Variants in PALM observed in about 807,000 individuals in gnomAD.
PALM encodes paralemmin.
Under a neutral mutation model 30.7 loss-of-function variants are expected in PALM, and 18 were observed. That is an observed-to-expected ratio of 0.59 (90% CI 0.41 to 0.87). The LOEUF is 0.87. PALM is among the 40% of genes least tolerant of loss of function. The probability of loss-of-function intolerance (pLI) is 0.00; values close to 1 mark genes in which losing one functional copy is unlikely to be tolerated. For missense variants in PALM, 529 were observed against 555.4 expected (o/e 0.95, Z 0.48); for synonymous variants, 286 against 242.8 (o/e 1.18, Z -1.66).
At chr19:736,343 G>A (rs560871982) in intron 7 of PALM, among the ~76,000 whole-genome samples, 10 of 152,262 alleles carry the variant, frequency 6.6e-5, no homozygotes, top group East Asian at 1.9e-4. Flanking sequence ...TAACCGACGC[G>A]ACCTCACGGC....
chr19:721,982 A>C (rs970448838), intron 1 of PALM, among the ~76,000 whole-genome samples: 4 of 150,624 alleles, frequency 2.7e-5, no homozygotes, highest in Admixed American at 6.6e-5. Context: ...GCAGTGGCGC[A>C]ATCTCGGCTC....
chr19:727,721 G>A (rs373135379), intron 4 of PALM, 27 bp downstream of exon 4: 233 of 1,519,700 alleles, frequency 1.5e-4, no homozygotes, highest in African/African-American at 3.6e-4. Flanking sequence ...GGGTGCCACC[G>A]GGCTGGGTGG....
chr19:719,584 C>T lies in PALM; in HGVS notation c.6-6554C>T. The T allele has an allele frequency of 3.0e-6, 3 of 986,712 alleles. No individual in the cohort carries two copies. In the South Asian group the frequency reaches 1.4e-4, roughly 46 times the overall value. The allele number at this position is 986,712 out of a possible 1,614,324, so 61.1% of individuals were successfully genotyped here. A position where few individuals can be genotyped will look rare whatever the true frequency, so the allele number is the denominator to read the frequency against. On this transcript the variant is annotated intron_variant, in intron 1 of 8. Coordinates refer to ENST00000338448, the MANE Select transcript of PALM (RefSeq NM_002579.3). ...CCCCCAGCACCTGCCCTGGGACCCC[C>T]AGCAGCACCAGGACCGCCGCCGCCC...
chr19:734,415 A>G (rs770556247), intron 6 of PALM: 4 of 562,304 alleles, frequency 7.1e-6, no homozygotes, highest in Non-Finnish European at 9.5e-6. Context: ...TGCAAAGACA[A>G]TTAGCCGGGT....
rs928075809 is a variant in PALM at position 709,274 on chromosome 19, G to A, written c.5+123G>A. ...CTGCCCCCGCGAGGAGCAGGAGGCG[G>A]CGCGGGGCTGCTGGGGCCGCAGCGC... On this transcript the variant is annotated intron_variant, in intron 1 of 8. Coordinates refer to ENST00000338448, the MANE Select transcript of PALM (RefSeq NM_002579.3). The surrounding 1 kb of genome is among the most constrained non-coding windows in gnomAD (Gnocchi z 4.3). 1.9e-5 allele frequency: 5 copies of A among 258,636 alleles called. No homozygotes were observed. The highest frequency in any genetic ancestry group is 2.2e-5 in the Non-Finnish European group (3 of 135,960). 16.0% of individuals were successfully genotyped at this position (258,636 alleles called of 1,614,324 possible). A position where few individuals can be genotyped will look rare whatever the true frequency, so the allele number is the denominator to read the frequency against.
intron 1 of PALM, among the ~76,000 whole-genome samples, chr19:722,267 G>A (rs1303572760): frequency 6.6e-6 from 1 of 152,052 alleles, no homozygotes; most frequent in African/African-American, 2.4e-5. Context: ...CTAGGCTGGA[G>A]ACAGTGGCAC....
intron 8 of PALM, among the ~76,000 whole-genome samples, chr19:745,208 C>A (rs2033304224): frequency 6.6e-6 from 1 of 152,112 alleles, no homozygotes; most frequent in African/African-American, 2.4e-5. Context: ...CTGTAACCTC[C>A]AGTTCCCCAG....
Position 746,589 on chromosome 19 carries a change from G to A in PALM, c.939G>A (p.Glu313=), listed in dbSNP as rs749278352. 1 of 1,613,430 alleles carries A rather than the reference G, an allele frequency of 6.2e-7. No homozygotes were observed. The highest frequency in any genetic ancestry group is 1.1e-5 in the South Asian group (1 of 91,072). The change falls in exon 9 of 9, where the codon GAG becomes GAA. Residue 313 remains glutamate, a synonymous_variant. Transcript: ENST00000338448. The surrounding 1 kb of genome is among the most constrained non-coding windows in gnomAD (Gnocchi z 7.1). ...ACCAGAACGTGGAGGATGAGGCCGAGACCAAGAAGGTGCTGGGCCTTCAAG... is the reference window on the plus strand; with the variant it reads ...ACCAGAACGTGGAGGATGAGGCCGAAACCAAGAAGGTGCTGGGCCTTCAAG... ...MGYQNVEDEA[E]TKKVLGLQDT...
In PALM at chr19:746,013, A is replaced by C. The variant is rs973040926; in HGVS notation, c.635-272A>C. Reference sequence around the variant, plus strand: ...GTGGAGCTTGCAGTGAGCTGAGATCACGCCATTGCACTCCAGCCTGGGCGA... The same window carrying C: ...GTGGAGCTTGCAGTGAGCTGAGATCCCGCCATTGCACTCCAGCCTGGGCGA... On this transcript the variant is annotated intron_variant, in intron 8 of 8. Coordinates refer to ENST00000338448, the MANE Select transcript of PALM (RefSeq NM_002579.3). The surrounding 1 kb of genome is among the most constrained non-coding windows in gnomAD (Gnocchi z 7.1). Among the ~76,000 whole-genome samples, 1 of 151,948 alleles carries C rather than the reference A, an allele frequency of 6.6e-6. No individual in the cohort carries two copies. The highest frequency in any genetic ancestry group is 2.1e-4 in the South Asian group (1 of 4,800).
intron 1 of PALM, among the ~76,000 whole-genome samples, chr19:721,317 G>A (rs924592931): frequency 2.6e-5 from 4 of 152,164 alleles, no homozygotes; most frequent in African/African-American, 9.7e-5. Context: ...CCAGGCTAGA[G>A]TGCGGTGGCA....
At chr19:720,727 C>T (rs561904379) in intron 1 of PALM, among the ~76,000 whole-genome samples, 6 of 152,248 alleles carry the variant, frequency 3.9e-5, no homozygotes, top group South Asian at 4.1e-4. Context: ...GACATTCCCC[C>T]GCCCTGGCCG....
At chr19:719,430 A>C in intron 1 of PALM, 1 of 985,416 alleles carries the variant, frequency 1.0e-6, no homozygotes, top group Non-Finnish European at 1.2e-6. Flanking sequence ...ACACGCCGTA[A>C]AAAGCATCGC....
At chr19:720,478 C>T (rs2144861231) in intron 1 of PALM, among the ~76,000 whole-genome samples, 1 of 67,430 alleles carries the variant, frequency 1.5e-5, no homozygotes, top group East Asian at 4.6e-4. Flanking sequence ...TGGGGAAAGG[C>T]GAGGGGGCGC....
At chr19:727,209 G>GCCCTGA in intron 3 of PALM, 121 bp downstream of exon 3, 1 of 597,882 alleles carries the variant, frequency 1.7e-6, no homozygotes, top group Non-Finnish European at 2.9e-6. Flanking sequence ...CCTGCCTCCA[G>GCCCTGA]CCCTGACCCT....
intron 4 of PALM, among the ~76,000 whole-genome samples, chr19:730,642 G>A (rs997250580): frequency 2.0e-5 from 3 of 152,154 alleles, no homozygotes; most frequent in African/African-American, 4.8e-5. Context: ...TTTGCACTCC[G>A]TGCCTCAGTT....
chr19:727,403 C>T (rs909477242), intron 3 of PALM, among the ~76,000 whole-genome samples, 161 bp from the exon 4 acceptor site: 8 of 151,694 alleles, frequency 5.3e-5, no homozygotes, highest in East Asian at 3.9e-4. Flanking sequence ...CCCCCAACCT[C>T]GATTGTGATT....
chr19:745,716 C>T (rs2033319450), intron 8 of PALM, among the ~76,000 whole-genome samples: 1 of 150,350 alleles, frequency 6.7e-6, no homozygotes, highest in Non-Finnish European at 1.5e-5. Flanking sequence ...CAATTCATTC[C>T]TTTCCACTCT....
chr19:721,292 G>A (rs944589872), intron 1 of PALM, among the ~76,000 whole-genome samples: 1 of 152,030 alleles, frequency 6.6e-6, no homozygotes, highest in Admixed American at 6.6e-5. Context: ...TTGAGATAGG[G>A]TTTCACTCTG....
rs1161974758 is a variant in PALM at position 709,353 on chromosome 19, C to T, written c.5+202C>T. 6.6e-6 allele frequency among the ~76,000 whole-genome samples: 1 copy of T among 151,516 alleles called. No homozygotes were observed. Among genetic ancestry groups the T allele is most frequent in the East Asian group, 2.0e-4 (1 of 5,122 alleles). ...GCCTGCCGGGAGGCCTCCCCGCTCC[C>T]GGACCCCGGCTGCCCACCCACCGGC... On this transcript the variant is annotated intron_variant, in intron 1 of 8. Transcript: ENST00000338448. This position sits in a 1 kb window ranked among gnomAD's most constrained non-coding sequence, Gnocchi z 4.3.
Sources: gnomAD v4.1 joint callset for allele counts (sites outside exome capture counted in the v4.1 genomes callset) on GRCh38, gnomAD v4.1.1 for gene constraint, Gnocchi (gnomAD v3.1) non-coding constraint, MANE v1.5 for transcripts, NCBI Gene and HGNC (gene_info 2026-07-23, HGNC 2026-07-21) for gene names.